ACACB: variants seen among roughly 807,000 people sequenced by gnomAD.
The protein encoded by ACACB is acetyl-CoA carboxylase 2.
Under a neutral mutation model 278.8 loss-of-function variants are expected in ACACB, and 209 were observed. The observed-to-expected ratio is 0.75, with a 90% CI of 0.67 to 0.84. ACACB has a LOEUF of 0.84. Among genes scored for constraint, ACACB ranks in the 40% least tolerant of loss-of-function variants. ACACB has a pLI of 0.00. For missense variants in ACACB, 2,850 were observed against 3,269.0 expected (o/e 0.87, Z 3.13); for synonymous variants, 1,174 against 1,285.6 (o/e 0.91, Z 1.86).
At chr12:109,191,574 A>C in intron 13 of ACACB, 39 bp from the exon 14 acceptor site, 2 of 1,611,874 alleles carry the variant, frequency 1.2e-6, no homozygotes, top group Non-Finnish European at 1.7e-6. Context: ...TGATGTATGC[A>C]TGAATTTGGA....
At position 109,199,418 on chromosome 12, in the gene ACACB, G is replaced by A. The variant is rs1009799722; in HGVS notation, c.2644G>A (p.Gly882Ser). The stretch of plus-strand genomic sequence containing the variant: ...CTCTCCCAGTTACCGAATTACCATC[G>A]GCAATAAGACGTGTGTGTTTGAGAA... ...EEVDSYRITI[G>S]NKTCVFEKEN... The change falls in exon 18 of 53, where the codon GGC (glycine) becomes AGC (serine). Residue 882 changes from glycine to serine, a missense_variant. By Grantham distance (56) the Gly-to-Ser change is moderately conservative (BLOSUM62 0). This residue lies in a region of ACACB where 2,265 missense variants were observed against 2,561.3 expected (regional missense o/e 0.88). Coordinates refer to ENST00000338432, the MANE Select transcript of ACACB (RefSeq NM_001093.4). The A allele has an allele frequency of 1.5e-5, 23 of 1,510,438 alleles. No homozygotes were observed. The highest frequency in any genetic ancestry group is 1.9e-5 in the Non-Finnish European group (21 of 1,128,142). 93.6% of individuals were successfully genotyped at this position (1,510,438 alleles called of 1,614,324 possible). A position where few individuals can be genotyped will look rare whatever the true frequency, so the allele number is the denominator to read the frequency against.
chr12:109,250,245 A>G (rs753058057), intron 41 of ACACB, 141 bp downstream of exon 41: 4 of 895,014 alleles, frequency 4.5e-6, no homozygotes, highest in Non-Finnish European at 6.3e-6. Context: ...CAGCCCACTG[A>G]TATTTCCTCA....
intron 10 of ACACB, 80 bp from the exon 11 acceptor site, chr12:109,179,837 T>G: frequency 6.7e-7 from 1 of 1,481,492 alleles, no homozygotes; most frequent in Non-Finnish European, 9.2e-7. Flanking sequence ...CTGCATTTGG[T>G]GAAGGAACTG....
At chr12:109,240,974 T>G in intron 35 of ACACB, 104 bp from the exon 36 acceptor site, 1 of 1,138,790 alleles carries the variant, frequency 8.8e-7, no homozygotes, top group Admixed American at 1.9e-5. Flanking sequence ...GTCCCAGGCG[T>G]TTTTGCAGTC....
chr12:109,148,589 C>T (rs1028380380), intron 2 of ACACB, among the ~76,000 whole-genome samples: 2 of 152,180 alleles, frequency 1.3e-5, no homozygotes, highest in Non-Finnish European at 2.9e-5. Context: ...ATTATTTATC[C>T]TATTCTGCTG....
At chr12:109,213,854 C>G (rs910219599) in intron 22 of ACACB, among the ~76,000 whole-genome samples, 2 of 152,010 alleles carry the variant, frequency 1.3e-5, no homozygotes, top group African/African-American at 4.8e-5. Context: ...CCTGCCTCGG[C>G]CTCCCAAAGT....
intron 20 of ACACB, among the ~76,000 whole-genome samples, chr12:109,208,041 G>A (rs2045573153): frequency 1.3e-5 from 2 of 152,078 alleles, no homozygotes; most frequent in African/African-American, 4.8e-5. Flanking sequence ...GATAAGGTAG[G>A]AACTCTTATT....
intron 12 of ACACB, among the ~76,000 whole-genome samples, chr12:109,186,087 C>T (rs534416144): frequency 1.1e-3 from 173 of 152,150 alleles, no homozygotes; most frequent in African/African-American, 3.7e-3. Flanking sequence ...CCCGCCACCA[C>T]GCCTGGCTAA....
At chr12:109,194,498 G>A (rs1301514003) in intron 16 of ACACB, among the ~76,000 whole-genome samples, 2 of 136,418 alleles carry the variant, frequency 1.5e-5, no homozygotes, top group African/African-American at 5.7e-5. Context: ...CCCAACCTCT[G>A]CCTCTGTGTG....
chr12:109,216,776 T>G lies in ACACB; in HGVS notation c.3440-20T>G. 6.2e-7 allele frequency: 1 copy of G among 1,614,060 alleles called. No homozygotes were observed. Among genetic ancestry groups the G allele is most frequent in the Non-Finnish European group, 8.5e-7 (1 of 1,179,976 alleles). On this transcript the variant is annotated intron_variant, in intron 23 of 52. Transcript: ENST00000338432. ...GAGGAGCCTGAGCTTTACCTCTGTG[T>G]GGTGTTTTGTCTCCCCCAGCCCACT...
intron 18 of ACACB, among the ~76,000 whole-genome samples, chr12:109,199,886 G>A (rs1007778315): frequency 1.1e-4 from 16 of 152,118 alleles, no homozygotes; most frequent in Middle Eastern, 3.4e-3. Context: ...GGTGGCAGGC[G>A]CCTGTAGTCC....
chr12:109,241,165 A>T lies in ACACB; in HGVS notation c.4906A>T (p.Ile1636Phe), dbSNP rs2046786580. Residue 1636 changes from isoleucine (I) to phenylalanine (F), a missense_variant, in exon 36 of 53, where the codon ATC (isoleucine) becomes TTC (phenylalanine). Physicochemically the swap from Ile to Phe is conservative, Grantham distance 21. Transcript: ENST00000338432. The stretch of plus-strand genomic sequence containing the variant: ...GCTACAGGCTGAGGTCAAGATCAAC[A>T]TCCGCCAGACCACCACCGGCAGTGC... ...RVLQAEVKINIRQTTTGSAVP... is the reference protein window; with the variant it reads ...RVLQAEVKINFRQTTTGSAVP... 6.2e-7 allele frequency: 1 copy of T among 1,614,170 alleles called. No individual in the cohort carries two copies. Among genetic ancestry groups the T allele is most frequent in the South Asian group, 1.1e-5 (1 of 91,084 alleles).
chr12:109,266,400 A>G lies in ACACB; in HGVS notation c.*38A>G. On this transcript the variant is annotated 3_prime_UTR_variant, in exon 53 of 53. Coordinates refer to ENST00000338432, the MANE Select transcript of ACACB (RefSeq NM_001093.4). The stretch of plus-strand genomic sequence containing the variant: ...CAGCCACTCCCGGGACCACGGCAAA[A>G]GGAACCACCCAGACCCACCACCCGT... The G allele has an allele frequency of 1.9e-6, 3 of 1,574,574 alleles. No individual in the cohort carries two copies. Among genetic ancestry groups the G allele is most frequent in the Admixed American group, 1.8e-5 (1 of 57,004 alleles).
At chr12:109,242,219 T>G in intron 36 of ACACB, 1 of 521,328 alleles carries the variant, frequency 1.9e-6, no homozygotes, top group South Asian at 2.8e-5. Flanking sequence ...TCACTGTATT[T>G]TTGGAACTGC....
At chr12:109,156,583 C>G (rs2043543696) in intron 2 of ACACB, among the ~76,000 whole-genome samples, 1 of 114,568 alleles carries the variant, frequency 8.7e-6, no homozygotes, top group South Asian at 3.1e-4. Flanking sequence ...GGCTGTTTCT[C>G]TCTGTTTTTT....
chr12:109,222,984 C>T (rs374658446), intron 26 of ACACB, 72 bp downstream of exon 26: 19 of 1,214,478 alleles, frequency 1.6e-5, no homozygotes, highest in African/African-American at 1.5e-4. Context: ...TCTGGGGAAA[C>T]GGCTCCTCCT....
rs2046748019 is a variant in ACACB at position 109,239,967 on chromosome 12, C to T, written c.4800C>T (p.Val1600=). ...NHIFLNFVPT[V]IMDPFKIEES... ...TCTTCCTCAACTTCGTGCCCACTGT[C>T]ATCATGGACCCCTTCAAGGTCTCGC... Residue 1600 remains valine (V), a synonymous_variant, in exon 35 of 53, where the codon GTC becomes GTT. Transcript: ENST00000338432. 1 of 1,614,062 alleles carries T rather than the reference C, an allele frequency of 6.2e-7. No homozygotes were observed. The highest frequency in any genetic ancestry group is 8.5e-7 in the Non-Finnish European group (1 of 1,179,964).
At chr12:109,253,759 T>C (rs1361773205) in intron 43 of ACACB, among the ~76,000 whole-genome samples, 1 of 152,184 alleles carries the variant, frequency 6.6e-6, no homozygotes, top group African/African-American at 2.4e-5. Flanking sequence ...GAGGTTGGGT[T>C]TACAGAGTTC....
chr12:109,138,746 C>T (rs1449570438), intron 1 of ACACB, among the ~76,000 whole-genome samples: 1 of 152,144 alleles, frequency 6.6e-6, no homozygotes, highest in Non-Finnish European at 1.5e-5. Flanking sequence ...GCCCAAGCTA[C>T]TCAGGAGGCT....
Sources: gnomAD v4.1 joint callset for allele counts (sites outside exome capture counted in the v4.1 genomes callset) on GRCh38, gnomAD v4.1.1 for gene constraint, gnomAD v4.1.1 regional missense constraint, MANE v1.5 for transcripts, NCBI Gene and HGNC (gene_info 2026-07-23, HGNC 2026-07-21) for gene names.